Variants in GRM7 observed in about 807,000 individuals in gnomAD.
GRM7 encodes the protein glutamate metabotropic receptor 7, also known as metabotropic glutamate receptor 7.
GRM7 carries 35 observed loss-of-function variants against 84.5 expected under a neutral mutation model. The ratio of observed to expected loss-of-function variants is 0.41; its 90% CI spans 0.32 to 0.55. The LOEUF is 0.55. GRM7 is among the 20% of genes least tolerant of loss of function. The pLI is 0.19. For missense variants in GRM7, 1,003 were observed against 1,194.6 expected, an observed-to-expected ratio of 0.84 and a Z score of 2.36; for synonymous variants, 487 against 455.1, an observed-to-expected ratio of 1.07 and a Z score of -0.89.
chr3:7,602,499 C>T (rs983453488), intron 8 of GRM7, among the ~76,000 whole-genome samples: 2 of 152,132 alleles, frequency 1.3e-5, no homozygotes, highest in African/African-American at 4.8e-5. Context: ...CATATGCCTA[C>T]CACCAAAAGG....
chr3:7,390,051 G>A (rs1280969646), intron 4 of GRM7, among the ~76,000 whole-genome samples: 3 of 151,916 alleles, frequency 2.0e-5, no homozygotes, highest in African/African-American at 4.8e-5. Context: ...TGGGTCTGGT[G>A]GTGATTAATT....
intron 4 of GRM7, among the ~76,000 whole-genome samples, chr3:7,409,880 G>A (rs1388177378): frequency 2.6e-5 from 4 of 152,166 alleles, no homozygotes; most frequent in Non-Finnish European, 1.5e-5. Flanking sequence ...GATTACAGGC[G>A]TGAGCCACTG....
At chr3:7,271,326 G>A (rs1033568982) in intron 2 of GRM7, among the ~76,000 whole-genome samples, 8 of 152,080 alleles carry the variant, frequency 5.3e-5, no homozygotes, top group Non-Finnish European at 1.0e-4. Flanking sequence ...TTGGGAGGCC[G>A]AGGCGGGTGG....
chr3:7,182,337 G>A (rs1328598501), intron 2 of GRM7, among the ~76,000 whole-genome samples: 3 of 152,058 alleles, frequency 2.0e-5, no homozygotes, highest in South Asian at 2.1e-4. Flanking sequence ...CAGCTGCTCT[G>A]TAATTAGCTA....
intron 4 of GRM7, among the ~76,000 whole-genome samples, chr3:7,382,279 G>A (rs1449053316): frequency 3.3e-5 from 5 of 152,092 alleles, no homozygotes; most frequent in Admixed American, 2.6e-4. Context: ...GATTATCAGA[G>A]ATTTTCCATG....
At chr3:7,376,797 G>T (rs1694370015) in intron 4 of GRM7, among the ~76,000 whole-genome samples, 1 of 152,182 alleles carries the variant, frequency 6.6e-6, no homozygotes, top group African/African-American at 2.4e-5. Context: ...TTCTGAGGCA[G>T]AACTACTGCC....
intron 2 of GRM7, among the ~76,000 whole-genome samples, chr3:7,255,772 A>G (rs894397846): frequency 6.6e-6 from 1 of 152,184 alleles, no homozygotes; most frequent in Non-Finnish European, 1.5e-5. Context: ...CACGAATTCT[A>G]TCTGGATTCC....
chr3:6,890,454 A>C (rs922679598), intron 1 of GRM7, among the ~76,000 whole-genome samples: 3 of 152,108 alleles, frequency 2.0e-5, no homozygotes, highest in Non-Finnish European at 4.4e-5. Context: ...TTGGTTTCAA[A>C]GATCATCTTT....
intron 7 of GRM7, among the ~76,000 whole-genome samples, chr3:7,518,054 A>G (rs1200360953): frequency 6.6e-6 from 1 of 152,162 alleles, no homozygotes; most frequent in Non-Finnish European, 1.5e-5. Context: ...TCCTGCTTCT[A>G]TCCACTACGG....
intron 7 of GRM7, among the ~76,000 whole-genome samples, chr3:7,577,595 C>A (rs1376839251): frequency 6.6e-6 from 1 of 152,188 alleles, no homozygotes; most frequent in East Asian, 1.9e-4. Context: ...GCCATTATTT[C>A]TCAGAACACT....
At chr3:7,694,080 A>C in intron 9 of GRM7, among the ~76,000 whole-genome samples, 1 of 152,074 alleles carries the variant, frequency 6.6e-6, no homozygotes, top group Admixed American at 6.6e-5. Context: ...GGGGGTTCTG[A>C]CCCATTCCCA....
intron 7 of GRM7, among the ~76,000 whole-genome samples, chr3:7,534,450 T>C (rs983394916): frequency 1.3e-5 from 2 of 152,320 alleles, no homozygotes; most frequent in Admixed American, 6.5e-5. Flanking sequence ...CTTAGAATAC[T>C]GTAGGATCAG....
rs548561608 is a variant in GRM7, at chr3:7,377,617, A to G, written c.1034-37406A>G. ...AAATCATAATGTGTTAAGGTTGAAAAACCATTAAGGTGACCTCAGATGTTG... is the reference window on the plus strand; with the variant it reads ...AAATCATAATGTGTTAAGGTTGAAAGACCATTAAGGTGACCTCAGATGTTG... On this transcript the variant is annotated intron_variant, in intron 4 of 9. Transcript: ENST00000357716. Among the ~76,000 whole-genome samples the G allele has an allele frequency of 3.3e-5, 5 of 152,238 alleles. No homozygotes were observed. In the South Asian group the frequency reaches 8.3e-4, roughly 25 times the overall value.
At chr3:7,382,773 A>C (rs1694640366) in intron 4 of GRM7, among the ~76,000 whole-genome samples, 1 of 152,228 alleles carries the variant, frequency 6.6e-6, no homozygotes, top group Non-Finnish European at 1.5e-5. Context: ...AGTTGGGCAA[A>C]CTGCCCTCTT....
At chr3:7,152,926 C>G (rs1245064538) in intron 2 of GRM7, among the ~76,000 whole-genome samples, 2 of 152,192 alleles carry the variant, frequency 1.3e-5, no homozygotes, top group African/African-American at 4.8e-5. Context: ...ATCAGACATA[C>G]CTATCAGGAA....
intron 4 of GRM7, among the ~76,000 whole-genome samples, chr3:7,403,680 TAC>T (rs1695551631): frequency 6.8e-6 from 1 of 147,354 alleles, no homozygotes; most frequent in Non-Finnish European, 1.5e-5. Flanking sequence ...TACATATATA[TAC>T]ACACATATAT....
At chr3:7,717,486 T>A (rs1490596416) in intron 9 of GRM7, among the ~76,000 whole-genome samples, 2 of 152,188 alleles carry the variant, frequency 1.3e-5, no homozygotes, top group Non-Finnish European at 2.9e-5. Context: ...AAATACATCA[T>A]CTCTGTGAGC....
At position 6,882,367 on chromosome 3, in the gene GRM7, C is replaced by A. The variant is rs139967407; in HGVS notation, c.519+20460C>A. On this transcript the variant is annotated intron_variant, in intron 1 of 9. Transcript: ENST00000357716. ...TAGCATAAACTCATTGTGGAAACTACAAAAATTAAAAAGGCATAAAGAAAA... is the reference window on the plus strand; with the variant it reads ...TAGCATAAACTCATTGTGGAAACTAAAAAAATTAAAAAGGCATAAAGAAAA... Among the ~76,000 whole-genome samples, 1,115 of 152,096 alleles carry A rather than the reference C, an allele frequency of 7.3e-3. 12 individuals are homozygous for A. The highest frequency in any genetic ancestry group is 0.012 in the Non-Finnish European group (798 of 67,996).
In GRM7 at chr3:7,266,870, C is replaced by A. The variant is rs144307311; in HGVS notation, c.737-31814C>A. On this transcript the variant is annotated intron_variant, in intron 2 of 9. Coordinates refer to ENST00000357716, the MANE Select transcript of GRM7 (RefSeq NM_000844.4). The stretch of plus-strand genomic sequence containing the variant: ...ACCAAGTATTCTCAAATAAGTTTTA[C>A]TCTGTATTTAAATGTAACTTTAACT... 2.0e-5 allele frequency among the ~76,000 whole-genome samples: 3 copies of A among 152,260 alleles called. No homozygotes were observed. The East Asian group carries it at 5.8e-4, about 29-fold the overall frequency.
Sources: allele counts gnomAD v4.1 joint callset (sites outside exome capture counted in the v4.1 genomes callset), GRCh38; gene constraint gnomAD v4.1.1; transcripts MANE v1.5; gene names NCBI Gene and HGNC (gene_info 2026-07-23, HGNC 2026-07-21).